LAMA1: variants seen among roughly 807,000 people sequenced by gnomAD.
LAMA1 encodes laminin subunit alpha 1.
LAMA1 carries 219 observed loss-of-function variants against 348.7 expected under a neutral mutation model. The observed-to-expected ratio is 0.63, with a 90% CI of 0.56 to 0.70. The LOEUF is 0.70. Ranked by LOEUF, LAMA1 falls within the 30% of genes least tolerant of loss-of-function variation. The pLI, the probability that LAMA1 is intolerant of heterozygous loss-of-function variation, is 0.00. For missense variants in LAMA1, 3,744 were observed against 3,888.0 expected (o/e 0.96, Z 0.99); for synonymous variants, 1,487 against 1,491.0 (o/e 1.00, Z 0.06).
At chr18:7,007,470 C>CA (rs201834015) in intron 28 of LAMA1, among the ~76,000 whole-genome samples, 194 bp from the exon 29 acceptor site, 37,239 of 131,992 alleles carry the variant, frequency 0.28, 4,880 homozygotes, top group Non-Finnish European at 0.32. Flanking sequence ...TATCAACTAT[C>CA]AAAAAAAAAA....
chr18:7,019,059 C>A (rs544038872), intron 19 of LAMA1, among the ~76,000 whole-genome samples: 4 of 152,090 alleles, frequency 2.6e-5, no homozygotes, highest in Non-Finnish European at 5.9e-5. Context: ...CATCCTTCTC[C>A]ACTGCCCCCA....
chr18:7,084,497 C>T (rs2058207177), intron 1 of LAMA1, among the ~76,000 whole-genome samples: 1 of 152,174 alleles, frequency 6.6e-6, no homozygotes, highest in Admixed American at 6.5e-5. Flanking sequence ...ATGTTATTCA[C>T]TTCAGTTACT....
chr18:7,037,792 C>T (rs2058002219), intron 11 of LAMA1, 41 bp from the exon 12 acceptor site: 1 of 1,592,812 alleles, frequency 6.3e-7, no homozygotes, highest in Non-Finnish European at 8.6e-7. Flanking sequence ...TGAAATAGAA[C>T]TTACCTTAGA....
chr18:7,105,914 G>C (rs558506165), intron 1 of LAMA1, among the ~76,000 whole-genome samples: 5 of 152,296 alleles, frequency 3.3e-5, no homozygotes, highest in African/African-American at 9.6e-5. Context: ...TTAAACACAA[G>C]TGCAACAATG....
chr18:6,980,652 A>G lies in LAMA1; in HGVS notation c.5891-15T>C. On this transcript the variant is annotated splice_polypyrimidine_tract_variant and intron_variant, in intron 41 of 62. Coordinates refer to ENST00000389658, the MANE Select transcript of LAMA1 (RefSeq NM_005559.4). ...CAATGCAATACCTATTTAAAGGGAG[A>G]AAAATGTTTCCTTTCAGGTTAGCCT... 1.3e-6 allele frequency: 2 copies of G among 1,513,914 alleles called. No homozygotes were observed. Among genetic ancestry groups the G allele is most frequent in the Non-Finnish European group, 1.8e-6 (2 of 1,090,216 alleles). 93.8% of individuals were successfully genotyped at this position (1,513,914 alleles called of 1,614,324 possible).
Position 7,044,731 on chromosome 18 carries a change from T to C in LAMA1, c.967A>G (p.Thr323Ala), listed in dbSNP as rs768453401. The C allele has an allele frequency of 1.2e-6, 2 of 1,613,446 alleles. No individual in the cohort carries two copies. Among genetic ancestry groups the C allele is most frequent in the Non-Finnish European group, 8.5e-7 (1 of 1,179,380 alleles). Reference protein sequence around the residue: ...WRPGTVSSGNTCEACNCHNKA... With the variant: ...WRPGTVSSGNACEACNCHNKA... ...TTCTAAGTATACTGACCTTCACATG[T>C]ATTGCCGGAGGACACGGTTCCCGGC... Residue 323 changes from threonine to alanine, a missense_variant, in exon 7 of 63, where the codon ACA becomes GCA. Coordinates refer to ENST00000389658, the MANE Select transcript of LAMA1 (RefSeq NM_005559.4).
intron 43 of LAMA1, 78 bp downstream of exon 43, chr18:6,978,118 C>A: frequency 6.4e-7 from 1 of 1,567,332 alleles, no homozygotes; most frequent in Non-Finnish European, 8.8e-7. Flanking sequence ...TTGTGAAAAA[C>A]GCACCACTGT....
At chr18:7,006,607 C>T (rs772397602) in intron 29 of LAMA1, among the ~76,000 whole-genome samples, 5 of 152,134 alleles carry the variant, frequency 3.3e-5, no homozygotes, top group African/African-American at 4.8e-5. Flanking sequence ...TAGCTGATTT[C>T]GTCACGGTGT....
chr18:7,002,180 C>G, intron 30 of LAMA1, 84 bp downstream of exon 30: 1 of 1,550,196 alleles, frequency 6.5e-7, no homozygotes, highest in South Asian at 1.1e-5. Context: ...TAACAACAGA[C>G]CACTCAGAGA....
At chr18:7,076,343 C>T (rs2058168316) in intron 3 of LAMA1, among the ~76,000 whole-genome samples, 1 of 152,174 alleles carries the variant, frequency 6.6e-6, no homozygotes, top group African/African-American at 2.4e-5. Flanking sequence ...AGTGGGACAA[C>T]CAGCCCTGGG....
At chr18:7,107,701 A>G (rs1422600373) in intron 1 of LAMA1, among the ~76,000 whole-genome samples, 1 of 152,216 alleles carries the variant, frequency 6.6e-6, no homozygotes, top group Admixed American at 6.5e-5. Flanking sequence ...AGGAAATACT[A>G]TTCTCCTCTC....
chr18:7,032,103 C>T lies in LAMA1; in HGVS notation c.2237G>A (p.Gly746Asp), dbSNP rs764086041. Residue 746 changes from glycine (G) to aspartate (D), a missense_variant, in exon 16 of 63, where the codon GGC becomes GAC. Transcript: ENST00000389658. ...GTGAACATTACACTCAGCTGCATGG[C>T]CGTGGCATTCACAGGGTTGACAAAT... Reference protein sequence around the residue: ...GGICQPCECHGHAAECNVHGV... With the variant: ...GGICQPCECHDHAAECNVHGV... 1.2e-6 allele frequency: 2 copies of T among 1,614,184 alleles called. No homozygotes were observed. The highest frequency in any genetic ancestry group is 1.1e-5 in the South Asian group (1 of 91,080).
intron 29 of LAMA1, among the ~76,000 whole-genome samples, chr18:7,004,400 T>C (rs1263924489): frequency 1.3e-5 from 2 of 152,092 alleles, no homozygotes; most frequent in Non-Finnish European, 2.9e-5. Flanking sequence ...TTGCCCAGGC[T>C]GGAGTGTAAT....
Position 6,958,620 on chromosome 18 carries a change from C to G in LAMA1, c.7821G>C (p.Met2607Ile). The stretch of plus-strand genomic sequence containing the variant: ...TGCTTTCTACTAATGTGCCCAACTT[C>G]ATTTCCACAGGATTGTTCTCATCCA... ...VQLDENNPVE[M>I]KLGTLVESRT... The change falls in exon 55 of 63, where the codon ATG (methionine) becomes ATC (isoleucine). Residue 2607 changes from methionine to isoleucine, a missense_variant. This residue lies in a region of LAMA1 where 1,983 missense variants were observed against 1,934.3 expected (regional missense o/e 1.03). Transcript: ENST00000389658. 1.2e-6 allele frequency: 2 copies of G among 1,614,200 alleles called. No individual in the cohort carries two copies. The highest frequency in any genetic ancestry group is 1.7e-6 in the Non-Finnish European group (2 of 1,180,024).
In LAMA1 at chr18:6,942,156, C is replaced by T. The variant is rs774962745; in HGVS notation, c.9151G>A (p.Val3051Met). The stretch of plus-strand genomic sequence containing the variant: ...GCTCTGCTGAAGTCAAAGGACTGCA[C>T]CTGCGGGCTCTTAATCAGAGCTAGC... The part of the protein sequence containing the change: ...RKLALIKSPQ[V>M]QSFDFSRAFE... The change falls in exon 63 of 63, where the codon GTG (valine) becomes ATG (methionine). Residue 3051 changes from valine (V) to methionine (M), a missense_variant. Coordinates refer to ENST00000389658, the MANE Select transcript of LAMA1 (RefSeq NM_005559.4). 3 of 1,614,162 alleles carry T rather than the reference C, an allele frequency of 1.9e-6. No homozygotes were observed. The highest frequency in any genetic ancestry group is 1.1e-5 in the South Asian group (1 of 91,080).
At chr18:6,952,418 G>T (rs1290142073) in intron 57 of LAMA1, among the ~76,000 whole-genome samples, 3 of 152,166 alleles carry the variant, frequency 2.0e-5, no homozygotes, top group East Asian at 3.9e-4. Flanking sequence ...CAAGAGCCTT[G>T]CTGGGAAACA....
chr18:7,012,354 T>C (rs556230255), intron 23 of LAMA1, among the ~76,000 whole-genome samples: 10 of 152,038 alleles, frequency 6.6e-5, no homozygotes, highest in Admixed American at 3.3e-4. Context: ...AGAATCATCT[T>C]GGAAGTGTTT....
At chr18:6,969,522 A>C (rs570424149) in intron 48 of LAMA1, among the ~76,000 whole-genome samples, 2 of 152,224 alleles carry the variant, frequency 1.3e-5, no homozygotes, top group African/African-American at 2.4e-5. Context: ...TGATCAGTAC[A>C]CAATACCTAT....
At chr18:7,117,117 C>T (rs1336512631) in intron 1 of LAMA1, among the ~76,000 whole-genome samples, 1 of 152,210 alleles carries the variant, frequency 6.6e-6, no homozygotes, top group Non-Finnish European at 1.5e-5. Context: ...CTCGCCGCGT[C>T]TCTCCCCACT....
Sources: allele counts gnomAD v4.1 joint callset (sites outside exome capture counted in the v4.1 genomes callset), GRCh38; gene constraint gnomAD v4.1.1; regional missense constraint gnomAD v4.1.1; transcripts MANE v1.5; gene names NCBI Gene and HGNC (gene_info 2026-07-23, HGNC 2026-07-21).